CYGB: variants seen among roughly 807,000 people sequenced by gnomAD.
CYGB encodes the protein histoglobin.
CYGB carries 13 observed loss-of-function variants against 20.7 expected under a neutral mutation model. The ratio of observed to expected loss-of-function variants is 0.63; its 90% confidence interval spans 0.41 to 1.00. CYGB has a LOEUF of 1.00. CYGB is among the 50% of genes least tolerant of loss of function. The probability of loss-of-function intolerance (pLI) is 0.00; values close to 1 mark genes in which losing one functional copy is unlikely to be tolerated. For synonymous variants in CYGB, 93 were observed against 107.4 expected (o/e 0.87, Z 0.83); for missense variants, 218 against 257.2 (o/e 0.85, Z 1.04).
chr17:76,539,348 A>ACC (rs2074959912), upstream of CYGB, among the ~76,000 whole-genome samples: 2 of 152,222 alleles, frequency 1.3e-5, no homozygotes, highest in Non-Finnish European at 2.9e-5. Context: ...ATATAGTCGT[A>ACC]TGGTGTAGGA....
rs78631011 is a variant in CYGB at position 76,547,621 on chromosome 17, C to T, written c.-53+3241G>A. ...CCTGGGGAGGAGAGGCCAATCCTGT[C>T]CCTATGTGAACACACACACATTCAC... On this transcript the variant is annotated intron_variant, in intron 1 of 3. Transcript: ENST00000589145. 5.5e-4 allele frequency among the ~76,000 whole-genome samples: 82 copies of T among 147,894 alleles called. No individual in the cohort carries two copies. The East Asian group carries it at 0.015, about 27-fold the overall frequency.
Position 76,531,644 on chromosome 17 carries a change from T to C in CYGB, c.191A>G (p.Lys64Arg). Residue 64 changes from lysine to arginine, a missense_variant, in exon 2 of 4, where the codon AAG becomes AGG. Transcript: ENST00000293230. The surrounding 1 kb of genome is among the most constrained non-coding windows in gnomAD (Gnocchi z 7.4). ...CATCTCCAGGGGATCCTCCATGTGC[T>C]TGAACTGGCTGAAGTACTGCTTGGC... ...PSAKQYFSQF[K>R]HMEDPLEMER... 1 of 1,610,302 alleles carries C rather than the reference T, an allele frequency of 6.2e-7. No homozygotes were observed. The highest frequency in any genetic ancestry group is 8.5e-7 in the Non-Finnish European group (1 of 1,176,746).
chr17:76,531,670 C>A lies in CYGB; in HGVS notation c.165G>T (p.Ser55=). The A allele has an allele frequency of 6.3e-7, 1 of 1,596,770 alleles. No homozygotes were observed. The highest frequency in any genetic ancestry group is 1.1e-5 in the South Asian group (1 of 90,666). ...ILVRFFVNFP[S]AKQYFSQFKH... ...TGAACTGGCTGAAGTACTGCTTGGC[C>A]GAGGGGAAGTTCACAAAGAACCTGG... Residue 55 remains serine (S), a synonymous_variant, in exon 2 of 4, where the codon TCG becomes TCT. Coordinates refer to ENST00000293230, the MANE Select transcript of CYGB (RefSeq NM_134268.5). This position sits in a 1 kb window ranked among gnomAD's most constrained non-coding sequence, Gnocchi z 7.4.
upstream of CYGB, chr17:76,540,265 A>C (rs754878521): frequency 1.8e-4 from 78 of 424,420 alleles, no homozygotes; most frequent in Middle Eastern, 4.9e-4. The surrounding 1 kb of genome is among the most constrained non-coding windows in gnomAD (Gnocchi z 5.0). Context: ...GGGGGGGGGC[A>C]TGGGGCTGGG....
chr17:76,534,178 T>TCTCTCTCTC (rs1567907880), intron 1 of CYGB, among the ~76,000 whole-genome samples: 10 of 64,014 alleles, frequency 1.6e-4, no homozygotes, highest in Middle Eastern at 8.2e-3. Context: ...CTCTCTCTCT[T>TCTCTCTCTC]TCTTTCTTTC....
chr17:76,547,864 T>C (rs1037166487), intron 1 of CYGB, among the ~76,000 whole-genome samples: 20 of 146,318 alleles, frequency 1.4e-4, no homozygotes, highest in Admixed American at 4.1e-4. Flanking sequence ...GACATACACA[T>C]ATACATATTC....
upstream of CYGB, among the ~76,000 whole-genome samples, chr17:76,542,046 T>C (rs2074998049): frequency 6.6e-6 from 1 of 152,088 alleles, no homozygotes; most frequent in African/African-American, 2.4e-5. Flanking sequence ...TGGCAGGACA[T>C]GTGTTTTTAA....
At chr17:76,542,827 C>T (rs529877952) in intron 1 of CYGB, among the ~76,000 whole-genome samples, 5 of 152,272 alleles carry the variant, frequency 3.3e-5, no homozygotes, top group African/African-American at 1.2e-4. Flanking sequence ...GGCCATGGGG[C>T]AAGGATGAGT....
upstream of CYGB, among the ~76,000 whole-genome samples, chr17:76,541,432 G>A (rs1598212676): frequency 6.6e-6 from 1 of 152,312 alleles, no homozygotes; most frequent in East Asian, 1.9e-4. Flanking sequence ...GGCGGGTACT[G>A]TGACCATCCA....
At chr17:76,544,837 G>A in intron 1 of CYGB, 1 of 456,814 alleles carries the variant, frequency 2.2e-6, no homozygotes, top group Non-Finnish European at 4.4e-6. Context: ...GAATTGTCAG[G>A]CCAAGGTCAT....
intron 1 of CYGB, chr17:76,543,671 G>T (rs559238918): frequency 2.3e-6 from 1 of 442,246 alleles, no homozygotes; most frequent in African/African-American, 2.0e-5. Context: ...CAGGGGTTGG[G>T]GGTGGTTTGC....
At chr17:76,529,025 C>A (rs935154061) in intron 3 of CYGB, 3 of 972,784 alleles carry the variant, frequency 3.1e-6, no homozygotes, top group African/African-American at 1.8e-5. Flanking sequence ...GTACACACAG[C>A]GCCCCCTGCA....
chr17:76,541,535 C>T (rs1351867113), upstream of CYGB, among the ~76,000 whole-genome samples: 1 of 152,150 alleles, frequency 6.6e-6, no homozygotes, highest in Admixed American at 6.5e-5. Flanking sequence ...TGTCTCCTGT[C>T]GTCTGAGTCC....
In CYGB at chr17:76,533,684, T is replaced by C. The variant is rs1267402857; in HGVS notation, c.144-1993A>G. 1.3e-5 allele frequency among the ~76,000 whole-genome samples: 2 copies of C among 151,852 alleles called. No homozygotes were observed. Among genetic ancestry groups the C allele is most frequent in the East Asian group, 1.9e-4 (1 of 5,178 alleles). On this transcript the variant is annotated intron_variant, in intron 1 of 3. Coordinates refer to ENST00000293230, the MANE Select transcript of CYGB (RefSeq NM_134268.5). The surrounding 1 kb of genome is among the most constrained non-coding windows in gnomAD (Gnocchi z 4.5). Reference sequence around the variant, plus strand: ...GCTGCAGGGAGCCAAGATTGTGCCATTGCACTCCAGCCTGGGTGACAGAGT... The same window carrying C: ...GCTGCAGGGAGCCAAGATTGTGCCACTGCACTCCAGCCTGGGTGACAGAGT...
chr17:76,547,736 CACAT>C (rs1416289062), intron 1 of CYGB, among the ~76,000 whole-genome samples: 11 of 150,952 alleles, frequency 7.3e-5, no homozygotes, highest in African/African-American at 2.0e-4. Context: ...TTCACACACA[CACAT>C]ACACAAACAC....
chr17:76,540,244 G>GGTT (rs2143140777), upstream of CYGB: 1 of 1,437,546 alleles, frequency 7.0e-7, no homozygotes, highest in Non-Finnish European at 9.5e-7. The surrounding 1 kb of genome is among the most constrained non-coding windows in gnomAD (Gnocchi z 5.0). Flanking sequence ...TATGGCTGGC[G>GGTT]GTTGGTCGGG....
upstream of CYGB, chr17:76,540,698 T>A: frequency 1.1e-6 from 1 of 936,332 alleles, no homozygotes; most frequent in Non-Finnish European, 1.7e-6. This position sits in a 1 kb window ranked among gnomAD's most constrained non-coding sequence, Gnocchi z 5.0. Flanking sequence ...GCCCTTGCCC[T>A]AAGCACCCTG....
chr17:76,531,786 C>A lies in CYGB; in HGVS notation c.144-95G>T. On this transcript the variant is annotated intron_variant, in intron 1 of 3. Coordinates refer to ENST00000293230, the MANE Select transcript of CYGB (RefSeq NM_134268.5). The surrounding 1 kb of genome is among the most constrained non-coding windows in gnomAD (Gnocchi z 7.4). Reference sequence around the variant, plus strand: ...TAGTGGGGGCTGAAGAAGTGGACCGCAGTGCTCCCCACCCCCGCACCGTCA... The same window carrying A: ...TAGTGGGGGCTGAAGAAGTGGACCGAAGTGCTCCCCACCCCCGCACCGTCA... 1 of 978,798 alleles carries A rather than the reference C, an allele frequency of 1.0e-6. No individual in the cohort carries two copies. The highest frequency in any genetic ancestry group is 1.6e-5 in the South Asian group (1 of 62,478). The allele number at this position is 978,798 out of a possible 1,614,324, so 60.6% of individuals were successfully genotyped here. A position where few individuals can be genotyped will look rare whatever the true frequency, so the allele number is the denominator to read the frequency against.
intron 1 of CYGB, among the ~76,000 whole-genome samples, chr17:76,532,697 A>G (rs2074861713): frequency 6.6e-6 from 1 of 151,482 alleles, no homozygotes; most frequent in Non-Finnish European, 1.5e-5. Context: ...ACGCCCGGCT[A>G]GCTAATTTTT....
Sources: allele counts gnomAD v4.1 joint callset (sites outside exome capture counted in the v4.1 genomes callset), GRCh38; gene constraint gnomAD v4.1.1; non-coding constraint Gnocchi (gnomAD v3.1); transcripts MANE v1.5; gene names NCBI Gene and HGNC (gene_info 2026-07-23, HGNC 2026-07-21).